PRSS3: variants seen among roughly 807,000 people sequenced by gnomAD.
The protein encoded by PRSS3 is trypsin-3.
Under a neutral mutation model 20.8 loss-of-function variants are expected in PRSS3, and 14 were observed. That is an observed-to-expected ratio of 0.67 (90% CI 0.44 to 1.05). The LOEUF (loss-of-function observed/expected upper bound fraction) is 1.05. Ranked by LOEUF, PRSS3 falls within the 50% of genes least tolerant of loss-of-function variation. PRSS3 has a pLI of 0.00. For missense variants in PRSS3, 237 were observed against 306.4 expected (o/e 0.77, Z 1.69); for synonymous variants, 91 against 117.6 (o/e 0.77, Z 1.46).
At chr9:33,794,651 T>C, upstream of PRSS3, 1 of 1,402,854 alleles carries the variant, frequency 7.1e-7, no homozygotes, top group Non-Finnish European at 9.4e-7. Flanking sequence ...AGATTTACCA[T>C]GGTCCAAACT....
rs766834924 is a variant in PRSS3, at chr9:33,799,227, T to A, written c.*47T>A. The A allele has an allele frequency of 3.7e-6, 6 of 1,606,666 alleles. No individual in the cohort carries two copies. Among genetic ancestry groups the A allele is most frequent in the Non-Finnish European group, 5.1e-6 (6 of 1,175,616 alleles). On this transcript the variant is annotated 3_prime_UTR_variant, in exon 5 of 5. Transcript: ENST00000379405. ...CTCTATACCAATAAAGTGGCCCTGC[T>A]CTCACTCTGTGTCTGTGCCGGCTCC...
Position 33,782,754 on chromosome 9 carries a change from C to A in PRSS3, c.-52-11992C>A, listed in dbSNP as rs867691753. On this transcript the variant is annotated intron_variant, in intron 1 of 5. Transcript: ENST00000342836. ...CAAAAATTTGGAGTCCCAGAACTTA[C>A]ATATATTGTTGGTGAAAGTGGATAA... 2.0e-5 allele frequency among the ~76,000 whole-genome samples: 3 copies of A among 152,236 alleles called. No individual in the cohort carries two copies. In the South Asian group the frequency reaches 6.2e-4, roughly 31 times the overall value.
chr9:33,786,938 C>T (rs1824437845), intron 1 of PRSS3: 1 of 596,374 alleles, frequency 1.7e-6, no homozygotes, highest in African/African-American at 1.9e-5. Flanking sequence ...GAAGAGGAAA[C>T]CACAGCTCTT....
At chr9:33,781,236 T>C (rs1824171203) in intron 1 of PRSS3, among the ~76,000 whole-genome samples, 1 of 152,250 alleles carries the variant, frequency 6.6e-6, no homozygotes, top group African/African-American at 2.4e-5. Flanking sequence ...TGCACTCATA[T>C]GTTCATCACC....
chr9:33,776,723 G>A (rs1282502626), intron 1 of PRSS3, among the ~76,000 whole-genome samples: 1 of 152,002 alleles, frequency 6.6e-6, no homozygotes, highest in Non-Finnish European at 1.5e-5. Flanking sequence ...GTCAGAAGAA[G>A]GACACAGAAA....
chr9:33,794,485 T>A (rs1344961109), upstream of PRSS3, among the ~76,000 whole-genome samples: 1 of 152,146 alleles, frequency 6.6e-6, no homozygotes, highest in Non-Finnish European at 1.5e-5. Flanking sequence ...TCTGGGAAGA[T>A]TCACTTGATA....
rs1822648231 is a variant in PRSS3 at position 33,750,743 on chromosome 9, C to T, written c.-53+16C>T. 2.1e-6 allele frequency: 3 copies of T among 1,421,434 alleles called. No homozygotes were observed. Among genetic ancestry groups the T allele is most frequent in the Non-Finnish European group, 2.7e-6 (3 of 1,091,800 alleles). 88.1% of individuals were successfully genotyped at this position (1,421,434 alleles called of 1,614,324 possible). The stretch of plus-strand genomic sequence containing the variant: ...CTGGGCACAGGTCAGACGTCAGTAC[C>T]CGCAGGGGGCTTGAAACTGGAGGAG... On this transcript the variant is annotated intron_variant, in intron 1 of 5. Coordinates refer to the PRSS3 transcript ENST00000342836. This position sits in a 1 kb window ranked among gnomAD's most constrained non-coding sequence, Gnocchi z 4.8.
intron 1 of PRSS3, among the ~76,000 whole-genome samples, chr9:33,754,070 T>C (rs1343698194): frequency 6.6e-6 from 1 of 152,076 alleles, no homozygotes; most frequent in African/African-American, 2.4e-5. Context: ...TTTTCTTTTC[T>C]TTTCTCTCTC....
intron 1 of PRSS3, among the ~76,000 whole-genome samples, chr9:33,752,067 C>T (rs950721002): frequency 1.1e-4 from 17 of 152,314 alleles, no homozygotes; most frequent in Admixed American, 9.1e-4. Context: ...TTACAGGAGC[C>T]AAGCATTCCA....
intron 1 of PRSS3, among the ~76,000 whole-genome samples, chr9:33,752,345 T>C (rs368369491): frequency 3.3e-5 from 5 of 152,246 alleles, no homozygotes; most frequent in African/African-American, 1.2e-4. Context: ...AGATGTTAAC[T>C]GTGTTGGGTG....
chr9:33,753,393 T>G (rs1175849855), intron 1 of PRSS3, among the ~76,000 whole-genome samples: 1 of 152,238 alleles, frequency 6.6e-6, no homozygotes, highest in Non-Finnish European at 1.5e-5. Context: ...CTCATGTTGC[T>G]TCCCCAAATC....
chr9:33,767,175 C>T (rs1156980913), intron 1 of PRSS3, among the ~76,000 whole-genome samples: 1 of 152,094 alleles, frequency 6.6e-6, no homozygotes, highest in Non-Finnish European at 1.5e-5. Context: ...TGTTAATTGG[C>T]CAGGCCTGGT....
intron 1 of PRSS3, among the ~76,000 whole-genome samples, chr9:33,789,141 T>C (rs939327091): frequency 1.4e-4 from 21 of 152,362 alleles, no homozygotes; most frequent in African/African-American, 4.8e-4. Flanking sequence ...GATACCTTTT[T>C]GCATCTGGTT....
upstream of PRSS3, among the ~76,000 whole-genome samples, chr9:33,790,684 A>G (rs1824592870): frequency 1.3e-5 from 2 of 152,178 alleles, no homozygotes; most frequent in Admixed American, 6.5e-5. Context: ...TGTGCATCCC[A>G]TTTCTATACC....
At chr9:33,751,756 T>G (rs1822707995) in intron 1 of PRSS3, among the ~76,000 whole-genome samples, 1 of 152,184 alleles carries the variant, frequency 6.6e-6, no homozygotes, top group Non-Finnish European at 1.5e-5. Flanking sequence ...CGTGTACTGT[T>G]TTTAACCAGA....
At chr9:33,786,667 G>A in intron 1 of PRSS3, 1 of 766,392 alleles carries the variant, frequency 1.3e-6, no homozygotes, top group Non-Finnish European at 2.4e-6. Context: ...GACAGAGCGT[G>A]ACACTGATTG....
At chr9:33,762,652 A>G (rs933948650) in intron 1 of PRSS3, among the ~76,000 whole-genome samples, 1 of 152,208 alleles carries the variant, frequency 6.6e-6, no homozygotes, top group African/African-American at 2.4e-5. Context: ...TTCTGTGATC[A>G]CCCTATAACC....
intron 1 of PRSS3, among the ~76,000 whole-genome samples, chr9:33,771,168 G>C (rs1332157194): frequency 1.3e-5 from 2 of 152,060 alleles, no homozygotes; most frequent in Non-Finnish European, 2.9e-5. Flanking sequence ...AAGAGAACAG[G>C]CTGCCTTCTT....
At chr9:33,752,579 T>C (rs182834824) in intron 1 of PRSS3, among the ~76,000 whole-genome samples, 3 of 152,316 alleles carry the variant, frequency 2.0e-5, no homozygotes, top group Non-Finnish European at 4.4e-5. Flanking sequence ...TATGAGACCA[T>C]ACTGAATATG....
Sources: allele counts gnomAD v4.1 joint callset (sites outside exome capture counted in the v4.1 genomes callset), GRCh38; gene constraint gnomAD v4.1.1; non-coding constraint Gnocchi (gnomAD v3.1); transcripts MANE v1.5; gene names NCBI Gene and HGNC (gene_info 2026-07-23, HGNC 2026-07-21).